Variants in MACROD2 observed in about 807,000 individuals in gnomAD.
MACROD2 encodes ADP-ribose glycohydrolase MACROD2.
Under a neutral mutation model 70.4 loss-of-function variants are expected in MACROD2, and 36 were observed. That is an observed-to-expected ratio of 0.51 (90% CI 0.39 to 0.68). The LOEUF (loss-of-function observed/expected upper bound fraction) is 0.68, where lower values mean the gene tolerates loss of function less well. Ranked by LOEUF, MACROD2 falls within the 30% of genes least tolerant of loss-of-function variation. The pLI is 0.00. For synonymous variants in MACROD2, 172 were observed against 178.8 expected, an observed-to-expected ratio of 0.96 and a Z score of 0.30; for missense variants, 496 against 538.4, an observed-to-expected ratio of 0.92 and a Z score of 0.78.
At chr20:15,977,957 G>C (rs551690457) in intron 13 of MACROD2, among the ~76,000 whole-genome samples, 1 of 152,216 alleles carries the variant, frequency 6.6e-6, no homozygotes. Flanking sequence ...CTTTCCAGAG[G>C]TAATGTGATG....
intron 10 of MACROD2, among the ~76,000 whole-genome samples, chr20:15,917,752 A>G (rs768637098): frequency 3.9e-5 from 6 of 152,154 alleles, no homozygotes; most frequent in Admixed American, 1.3e-4. Flanking sequence ...TATTTTTACC[A>G]GGGCATTAGT....
chr20:14,790,274 AAAC>A (rs1160328183), intron 5 of MACROD2, among the ~76,000 whole-genome samples: 5 of 152,144 alleles, frequency 3.3e-5, no homozygotes, highest in African/African-American at 1.2e-4. Flanking sequence ...TTTAAAAAAA[AAAC>A]AAATATTTTA....
chr20:14,005,247 A>T (rs1197254976), intron 2 of MACROD2, among the ~76,000 whole-genome samples: 1 of 152,180 alleles, frequency 6.6e-6, no homozygotes, highest in Non-Finnish European at 1.5e-5. Context: ...AAGAGGAAAG[A>T]ATGGGAGATG....
intron 4 of MACROD2, among the ~76,000 whole-genome samples, chr20:14,606,463 A>G (rs1568695428): frequency 7.0e-6 from 1 of 142,010 alleles, no homozygotes; most frequent in East Asian, 1.9e-4. Context: ...CACCAGTTAA[A>G]TTAATTAGTT....
chr20:15,921,452 A>T (rs1183821704), intron 10 of MACROD2, among the ~76,000 whole-genome samples: 1 of 152,162 alleles, frequency 6.6e-6, no homozygotes, highest in Non-Finnish European at 1.5e-5. Flanking sequence ...TTTCTCACAT[A>T]AGAGTTCCTG....
chr20:14,979,673 T>C (rs1248378798), intron 5 of MACROD2, among the ~76,000 whole-genome samples: 2 of 152,236 alleles, frequency 1.3e-5, no homozygotes, highest in African/African-American at 4.8e-5. Flanking sequence ...TTTTACCAAA[T>C]GCCAATCTGC....
At chr20:15,130,697 G>A (rs1295462639) in intron 5 of MACROD2, among the ~76,000 whole-genome samples, 1 of 152,080 alleles carries the variant, frequency 6.6e-6, no homozygotes, top group Non-Finnish European at 1.5e-5. Flanking sequence ...GAGGAGAATG[G>A]GACAAAGGAG....
At chr20:14,660,720 A>G (rs1380099940) in intron 4 of MACROD2, among the ~76,000 whole-genome samples, 1 of 152,006 alleles carries the variant, frequency 6.6e-6, no homozygotes, top group Admixed American at 6.6e-5. Flanking sequence ...TCTTTTTGGA[A>G]TCCCCAGTGT....
chr20:14,523,987 G>A (rs548343799), intron 4 of MACROD2, among the ~76,000 whole-genome samples: 2 of 152,320 alleles, frequency 1.3e-5, no homozygotes, highest in Non-Finnish European at 2.9e-5. Context: ...TCTGGACATT[G>A]TTCTAGATAA....
At chr20:15,595,098 C>T (rs1198671782) in intron 8 of MACROD2, among the ~76,000 whole-genome samples, 1 of 152,114 alleles carries the variant, frequency 6.6e-6, no homozygotes, top group African/African-American at 2.4e-5. Flanking sequence ...TTTCTTTTTA[C>T]ATTTTCTTTT....
intron 4 of MACROD2, chr20:14,628,690 AG>A (rs1219571923): frequency 6.6e-6 from 1 of 152,188 alleles, no homozygotes; most frequent in Non-Finnish European, 1.5e-5. Context: ...GATCTGGTTT[AG>A]GGACCATATC....
intron 5 of MACROD2, among the ~76,000 whole-genome samples, chr20:14,890,667 T>C (rs2073743819): frequency 6.7e-6 from 1 of 150,340 alleles, no homozygotes; most frequent in South Asian, 2.1e-4. Context: ...GAGGCTGAGA[T>C]AGGAGGATTA....
chr20:14,011,084 A>G, intron 2 of MACROD2, among the ~76,000 whole-genome samples: 1 of 152,202 alleles, frequency 6.6e-6, no homozygotes. Flanking sequence ...ACCCCCTGAT[A>G]TAGAAGCTGA....
At position 15,517,108 on chromosome 20, in the gene MACROD2, A is replaced by C. The variant is rs115860032; in HGVS notation, c.645+17261A>C. ...ATTTAAAAACCATATTCTGGGAAGG[A>C]TCCATAGGTTCTGCTCAACTACTGA... On this transcript the variant is annotated intron_variant, in intron 8 of 17. Coordinates refer to ENST00000684519, the MANE Select transcript of MACROD2 (RefSeq NM_001351661.2). Among the ~76,000 whole-genome samples the C allele has an allele frequency of 4.3e-3, 652 of 152,214 alleles. 3 individuals carry two copies. The highest frequency in any genetic ancestry group is 0.015 in the African/African-American group (615 of 41,522).
chr20:14,206,096 CG>C (rs1726506530), intron 3 of MACROD2, among the ~76,000 whole-genome samples: 2 of 151,848 alleles, frequency 1.3e-5, no homozygotes, highest in Non-Finnish European at 2.9e-5. Flanking sequence ...TTAGCAATGT[CG>C]GGGGGTGGGA....
chr20:14,130,556 A>C (rs1176889909), intron 3 of MACROD2, among the ~76,000 whole-genome samples: 1 of 152,150 alleles, frequency 6.6e-6, no homozygotes, highest in African/African-American at 2.4e-5. Context: ...AAAAAAAGAA[A>C]GAAAGAAAAA....
At chr20:15,415,770 C>T (rs2046139543) in intron 6 of MACROD2, among the ~76,000 whole-genome samples, 1 of 152,192 alleles carries the variant, frequency 6.6e-6, no homozygotes, top group African/African-American at 2.4e-5. Flanking sequence ...TTTCTTCCAT[C>T]CATCATCCAT....
At chr20:15,841,764 G>A (rs989182614) in intron 8 of MACROD2, among the ~76,000 whole-genome samples, 2 of 152,086 alleles carry the variant, frequency 1.3e-5, no homozygotes, top group African/African-American at 4.8e-5. Flanking sequence ...ATGGTGGGAG[G>A]TCTAGGCTGT....
At chr20:15,378,168 GA>G (rs1176538354) in intron 6 of MACROD2, among the ~76,000 whole-genome samples, 11 of 119,512 alleles carry the variant, frequency 9.2e-5, no homozygotes, top group Non-Finnish European at 1.6e-4. Context: ...GAGAGAGAGA[GA>G]GAGAAAGGAA....
Sources: allele counts gnomAD v4.1 joint callset (sites outside exome capture counted in the v4.1 genomes callset), GRCh38; gene constraint gnomAD v4.1.1; transcripts MANE v1.5; gene names NCBI Gene and HGNC (gene_info 2026-07-23, HGNC 2026-07-21).